The following PARD3B variants were observed in gnomAD, a reference collection of about 807,000 sequenced individuals.
PARD3B encodes the protein partitioning defective 3 homolog B.
PARD3B carries 103 observed loss-of-function variants against 130.2 expected under a neutral mutation model. The ratio of observed to expected loss-of-function variants is 0.79; its 90% CI spans 0.67 to 0.93. PARD3B has a LOEUF of 0.93. PARD3B is among the 40% of genes least tolerant of loss of function. The pLI is 0.00. For missense variants in PARD3B, 1,609 were observed against 1,499.2 expected (o/e 1.07, Z -1.21); for synonymous variants, 583 against 553.2 (o/e 1.05, Z -0.76).
Position 204,653,284 on chromosome 2 carries a change from TA to T in PARD3B, c.121-32884del, listed in dbSNP as rs59994946. Among the ~76,000 whole-genome samples, 789 of 147,562 alleles carry T rather than the reference TA, an allele frequency of 5.3e-3. 26 individuals carry two copies. Among genetic ancestry groups the T allele is most frequent in the Middle Eastern group, 0.01 (3 of 292 alleles). On this transcript the variant is annotated intron_variant, in intron 1 of 22. Transcript: ENST00000406610. ...CTGAACCTAAAATAAAAGTTAAAAT[TA>T]AAAAAAAAAAAACCTAGCTATTATG...
At chr2:205,157,342 G>C (rs2034237512) in intron 10 of PARD3B, among the ~76,000 whole-genome samples, 1 of 152,138 alleles carries the variant, frequency 6.6e-6, no homozygotes, top group Non-Finnish European at 1.5e-5. Context: ...TAATGAGTTA[G>C]CTGAAAGAGC....
Position 205,325,367 on chromosome 2 carries a change from A to G in PARD3B, c.2630+23666A>G, listed in dbSNP as rs1031461384. ...GCTTTTCATATTCCCTGTGACTACA[A>G]TGCCCTTTCCCCATCCTTCAATCCA... On this transcript the variant is annotated intron_variant, in intron 18 of 22. Transcript: ENST00000406610. This position sits in a 1 kb window ranked among gnomAD's most constrained non-coding sequence, Gnocchi z 4.1. 2.0e-5 allele frequency among the ~76,000 whole-genome samples: 3 copies of G among 152,180 alleles called. No homozygotes were observed. The highest frequency in any genetic ancestry group is 1.9e-4 in the East Asian group (1 of 5,198).
At chr2:205,151,333 C>A (rs2033742162) in intron 10 of PARD3B, among the ~76,000 whole-genome samples, 1 of 152,136 alleles carries the variant, frequency 6.6e-6, no homozygotes, top group Non-Finnish European at 1.5e-5. Context: ...CTTTCTGTCT[C>A]ATTGATCTGT....
chr2:205,177,967 A>G (rs920238673), intron 13 of PARD3B, among the ~76,000 whole-genome samples: 2 of 151,854 alleles, frequency 1.3e-5, no homozygotes, highest in African/African-American at 2.4e-5. Flanking sequence ...ATATTGGTCT[A>G]TTGAAACTAT....
chr2:205,402,018 T>A (rs1179797493), intron 19 of PARD3B, among the ~76,000 whole-genome samples: 1 of 152,238 alleles, frequency 6.6e-6, no homozygotes. Flanking sequence ...CTTTAGTATG[T>A]GTACTAAGAA....
At chr2:204,877,026 T>A (rs10186742) in intron 2 of PARD3B, among the ~76,000 whole-genome samples, 39,234 of 151,902 alleles carry the variant, frequency 0.26, 8,715 homozygotes, top group African/African-American at 0.61. Flanking sequence ...GGAATCTTCC[T>A]CAATGGCACA....
At chr2:205,111,939 C>T (rs764360316) in intron 5 of PARD3B, among the ~76,000 whole-genome samples, 41 of 151,988 alleles carry the variant, frequency 2.7e-4, no homozygotes, top group Admixed American at 7.9e-4. Flanking sequence ...GTATATAAAA[C>T]GTATTGCTTT....
intron 21 of PARD3B, among the ~76,000 whole-genome samples, chr2:205,547,580 G>C (rs2052432693): frequency 6.6e-6 from 1 of 152,150 alleles, no homozygotes; most frequent in African/African-American, 2.4e-5. Flanking sequence ...TATGTAGGAA[G>C]TTTTAGACTG....
chr2:205,410,000 T>G (rs1210379056), intron 19 of PARD3B, among the ~76,000 whole-genome samples: 1 of 152,192 alleles, frequency 6.6e-6, no homozygotes, highest in Non-Finnish European at 1.5e-5. Flanking sequence ...TTTTTTGTAA[T>G]TCACTGGATT....
intron 21 of PARD3B, among the ~76,000 whole-genome samples, chr2:205,546,014 G>GA (rs1356843804): frequency 6.6e-6 from 1 of 152,138 alleles, no homozygotes; most frequent in Non-Finnish European, 1.5e-5. Flanking sequence ...GTAAAGAAAA[G>GA]ACTAATAGCT....
intron 2 of PARD3B, among the ~76,000 whole-genome samples, chr2:204,919,637 T>C (rs1288192436): frequency 6.6e-6 from 1 of 152,204 alleles, no homozygotes; most frequent in Non-Finnish European, 1.5e-5. Context: ...TATTTATCCT[T>C]CCTCCTGATA....
At chr2:204,599,094 C>A in intron 1 of PARD3B, among the ~76,000 whole-genome samples, 1 of 151,118 alleles carries the variant, frequency 6.6e-6, no homozygotes, top group African/African-American at 2.4e-5. Flanking sequence ...TTTGCAAGAA[C>A]CCTGGTGATC....
chr2:204,729,998 A>AACACAC (rs3036396), intron 2 of PARD3B, among the ~76,000 whole-genome samples: 32,900 of 141,202 alleles, frequency 0.23, 3,953 homozygotes, highest in East Asian at 0.32. Context: ...CACACACACA[A>AACACAC]ACACACACAC....
chr2:204,651,119 T>C (rs1011437148), intron 1 of PARD3B, among the ~76,000 whole-genome samples: 1 of 152,124 alleles, frequency 6.6e-6, no homozygotes, highest in African/African-American at 2.4e-5. Flanking sequence ...AAATCTCATG[T>C]CCTTCTCACA....
At chr2:204,986,101 CAAAAAAAAAAAA>C (rs371839271) in intron 3 of PARD3B, among the ~76,000 whole-genome samples, 4 of 51,240 alleles carry the variant, frequency 7.8e-5, no homozygotes, top group African/African-American at 8.3e-5. Context: ...ACTCTGTCTC[CAAAAAAAAAAAA>C]AAAAAAAAAA....
At chr2:205,316,161 G>T (rs2042556931) in intron 18 of PARD3B, among the ~76,000 whole-genome samples, 2 of 152,134 alleles carry the variant, frequency 1.3e-5, no homozygotes, top group African/African-American at 4.8e-5. Context: ...TGAAAATAAT[G>T]AAAACAGTGG....
At chr2:205,267,775 A>C (rs547549227) in intron 16 of PARD3B, among the ~76,000 whole-genome samples, 1 of 152,198 alleles carries the variant, frequency 6.6e-6, no homozygotes, top group African/African-American at 2.4e-5. Flanking sequence ...TACATTCAAC[A>C]AATAGTAATA....
rs966829232 is a variant in PARD3B, at chr2:205,470,761, A to T, written c.3045-29135A>T. On this transcript the variant is annotated intron_variant, in intron 20 of 22. Coordinates refer to ENST00000406610, the MANE Select transcript of PARD3B (RefSeq NM_001302769.2). The surrounding 1 kb of genome is among the most constrained non-coding windows in gnomAD (Gnocchi z 4.8). ...TAGGAGTTGGATAGGATCCTCTGTG[A>T]GACAGGGCAGAGAAAGTCATGTTTG... Among the ~76,000 whole-genome samples the T allele has an allele frequency of 6.6e-6, 1 of 152,196 alleles. No homozygotes were observed. The highest frequency in any genetic ancestry group is 2.4e-5 in the African/African-American group (1 of 41,448).
At chr2:204,549,217 C>A (rs2030259419) in intron 1 of PARD3B, among the ~76,000 whole-genome samples, 2 of 152,184 alleles carry the variant, frequency 1.3e-5, no homozygotes, top group South Asian at 4.2e-4. Flanking sequence ...AGGTTCCTGC[C>A]ACCATTTGAT....
Sources: allele counts gnomAD v4.1 joint callset (sites outside exome capture counted in the v4.1 genomes callset), GRCh38; gene constraint gnomAD v4.1.1; non-coding constraint Gnocchi (gnomAD v3.1); transcripts MANE v1.5; gene names NCBI Gene and HGNC (gene_info 2026-07-23, HGNC 2026-07-21).